The following HDX variants were observed in gnomAD, a reference collection of about 807,000 sequenced individuals.
HDX encodes the protein highly divergent homeobox.
HDX carries 19 observed loss-of-function variants against 45.2 expected under a neutral mutation model. That is an observed-to-expected ratio of 0.42 (90% CI 0.29 to 0.62). HDX has a LOEUF of 0.62. Ranked by LOEUF, HDX falls within the 20% of genes least tolerant of loss-of-function variation. HDX has a pLI of 0.20. For missense variants in HDX, 532 were observed against 493.9 expected (o/e 1.08, Z -0.73); for synonymous variants, 188 against 172.8 (o/e 1.09, Z -0.69).
intron 2 of HDX, among the ~76,000 whole-genome samples, chrX:84,485,054 GA>G (rs1237554301): frequency 1.3e-4 from 14 of 111,691 alleles, no homozygotes; most frequent in African/African-American, 4.6e-4. Flanking sequence ...GGCATTTCCA[GA>G]TATCTTTCTG....
At chrX:84,415,255 C>G (rs1320060591) in intron 5 of HDX, among the ~76,000 whole-genome samples, 2 of 112,082 alleles carry the variant, frequency 1.8e-5, no homozygotes, top group African/African-American at 6.5e-5. Context: ...CTCCACTTGC[C>G]AAGTGGCTTT....
chrX:84,331,541 A>G (rs2036842606), intron 9 of HDX, among the ~76,000 whole-genome samples: 1 of 111,456 alleles, frequency 9.0e-6, no homozygotes, highest in African/African-American at 3.3e-5. Context: ...CAACCAGGTA[A>G]CACATAGGTG....
At chrX:84,343,702 G>A (rs972493596) in intron 7 of HDX, among the ~76,000 whole-genome samples, 6 of 111,011 alleles carry the variant, frequency 5.4e-5, no homozygotes, top group African/African-American at 2.0e-4. Flanking sequence ...TACTTCTCAT[G>A]GACAGATAGT....
rs887595443 is a variant in HDX at position 84,320,555 on chromosome X, A to T, written c.*1334T>A. 1 of 111,307 alleles carries T rather than the reference A, an allele frequency of 9.0e-6. No individual in the cohort carries two copies. The highest frequency in any genetic ancestry group is 3.2e-5 in the African/African-American group (1 of 30,833). The allele number at this position is 111,307 out of a possible 1,213,427, so 9.2% of individuals were successfully genotyped here. A position where few individuals can be genotyped will look rare whatever the true frequency, so the allele number is the denominator to read the frequency against. ...TAGGTACCAACAAAAATTAAAAACAAATTGGAAACAGAAACTTGATGGCTG... is the reference window on the plus strand; with the variant it reads ...TAGGTACCAACAAAAATTAAAAACATATTGGAAACAGAAACTTGATGGCTG... On this transcript the variant is annotated 3_prime_UTR_variant, in exon 11 of 11. Transcript: ENST00000373177.
At chrX:84,354,942 T>C (rs201220969) in intron 6 of HDX, among the ~76,000 whole-genome samples, 27,691 of 63,683 alleles carry the variant, frequency 0.43, 4,062 homozygotes, top group Admixed American at 0.6. Flanking sequence ...TATATATATA[T>C]ATATATATAT....
intron 4 of HDX, among the ~76,000 whole-genome samples, chrX:84,441,787 T>A (rs1280265749): frequency 1.8e-5 from 2 of 110,086 alleles, no homozygotes; most frequent in African/African-American, 6.8e-5. Context: ...TGGTGAAATA[T>A]GTTGACCTTT....
chrX:84,475,351 T>A lies in HDX; in HGVS notation c.47A>T (p.Gln16Leu), dbSNP rs1198964757. 8.6e-7 allele frequency: 1 copy of A among 1,158,384 alleles called. No individual in the cohort carries two copies. The highest frequency in any genetic ancestry group is 1.2e-6 in the Non-Finnish European group (1 of 852,524). The change falls in exon 3 of 11, where the codon CAG (glutamine) becomes CTG (leucine). Residue 16 changes from glutamine to leucine, a missense_variant. Gln to Leu is a moderately radical substitution (Grantham distance 113, BLOSUM62 -2). Coordinates refer to ENST00000373177, the MANE Select transcript of HDX (RefSeq NM_001177479.2). ...VFTVEQQRIL[Q>L]RYYENGMTNQ... ...TGTCATTCCATTTTCATAATAACGC[T>A]GTAAAATCCTTTGTTGTTCTACAGT...
Position 84,326,902 on chromosome X carries a change from G to A in HDX, c.1825-602C>T, listed in dbSNP as rs765423358. Reference sequence around the variant, plus strand: ...CTGCACTGCAGCCTGGGCAACAAGAGTGAGACTGTCTCAAAAAAAAAAAAA... The same window carrying A: ...CTGCACTGCAGCCTGGGCAACAAGAATGAGACTGTCTCAAAAAAAAAAAAA... On this transcript the variant is annotated intron_variant, in intron 9 of 10. Coordinates refer to ENST00000373177, the MANE Select transcript of HDX (RefSeq NM_001177479.2). Among the ~76,000 whole-genome samples the A allele has an allele frequency of 2.9e-3, 261 of 89,059 alleles. 2 individuals are homozygous for A. Among genetic ancestry groups the A allele is most frequent in the African/African-American group, 0.01 (253 of 24,149 alleles). 77.3% of individuals were successfully genotyped at this position (89,059 alleles called of 115,157 possible). A position where few individuals can be genotyped will look rare whatever the true frequency, so the allele number is the denominator to read the frequency against.
chrX:84,500,483 C>T (rs2041098889), intron 1 of HDX, among the ~76,000 whole-genome samples: 1 of 109,283 alleles, frequency 9.2e-6, no homozygotes, highest in Admixed American at 9.8e-5. Context: ...ACAACAACAA[C>T]AACAACAATA....
chrX:84,433,949 T>C (rs1174299007), intron 5 of HDX, among the ~76,000 whole-genome samples: 3 of 111,358 alleles, frequency 2.7e-5, no homozygotes, highest in Admixed American at 9.6e-5. Context: ...TCAGTTTTTG[T>C]AAATAGCATT....
At chrX:84,470,604 A>G (rs995936695) in intron 3 of HDX, among the ~76,000 whole-genome samples, 1 of 111,375 alleles carries the variant, frequency 9.0e-6, no homozygotes, top group African/African-American at 3.3e-5. Context: ...ACCAAATTTT[A>G]TACAATAAAT....
intron 9 of HDX, among the ~76,000 whole-genome samples, chrX:84,328,202 A>AATAT (rs141467072): frequency 3.7e-5 from 4 of 107,300 alleles, no homozygotes; most frequent in Non-Finnish European, 7.7e-5. Context: ...CTACCAAAAA[A>AATAT]ATATATATAT....
intron 5 of HDX, among the ~76,000 whole-genome samples, chrX:84,374,202 G>A (rs2037978471): frequency 1.8e-5 from 2 of 111,205 alleles, no homozygotes; most frequent in South Asian, 7.5e-4. Flanking sequence ...AAACTTACAA[G>A]GGATGTGAAG....
At chrX:84,412,483 T>A (rs2039011534) in intron 5 of HDX, among the ~76,000 whole-genome samples, 1 of 111,921 alleles carries the variant, frequency 8.9e-6, no homozygotes, top group African/African-American at 3.2e-5. Flanking sequence ...AATAGTGCAA[T>A]GCTTAATATA....
chrX:84,404,145 G>C (rs2147964146), intron 5 of HDX: 1 of 111,789 alleles, frequency 8.9e-6, no homozygotes, highest in Admixed American at 9.5e-5. Context: ...ATTTTAAAAA[G>C]AGAGCTGATC....
chrX:84,365,611 C>T (rs140538401), intron 5 of HDX, among the ~76,000 whole-genome samples: 12,086 of 110,973 alleles, frequency 0.11, 626 homozygotes, highest in East Asian at 0.28. Context: ...AATAAATAGG[C>T]ATTGTGTTTG....
chrX:84,438,059 G>A (rs2039678737), intron 5 of HDX, among the ~76,000 whole-genome samples: 1 of 110,967 alleles, frequency 9.0e-6, no homozygotes, highest in African/African-American at 3.3e-5. Flanking sequence ...GCAGATGGGG[G>A]ATGGGGAATG....
At chrX:84,463,348 T>C (rs1192635001) in intron 4 of HDX, among the ~76,000 whole-genome samples, 1 of 111,383 alleles carries the variant, frequency 9.0e-6, no homozygotes, top group East Asian at 2.8e-4. Flanking sequence ...TTGGTTTAAA[T>C]GCCACGATAT....
At chrX:84,421,807 TA>T (rs1192446602) in intron 5 of HDX, among the ~76,000 whole-genome samples, 1 of 110,496 alleles carries the variant, frequency 9.1e-6, no homozygotes, top group African/African-American at 3.3e-5. Context: ...ACAAAAAGTA[TA>T]AAAAGAGACA....
Sources: allele counts gnomAD v4.1 joint callset (sites outside exome capture counted in the v4.1 genomes callset), GRCh38; gene constraint gnomAD v4.1.1; transcripts MANE v1.5; gene names NCBI Gene and HGNC (gene_info 2026-07-23, HGNC 2026-07-21).